TTC24: variants seen among roughly 807,000 people sequenced by gnomAD.
The protein encoded by TTC24 is tetratricopeptide repeat domain 24.
TTC24 carries 54 observed loss-of-function variants against 63.3 expected under a neutral mutation model. That is an observed-to-expected ratio of 0.85 (90% CI 0.69 to 1.07). TTC24 has a LOEUF of 1.07. Ranked by LOEUF, TTC24 falls within the 50% of genes least tolerant of loss-of-function variation. The pLI, the probability that TTC24 is intolerant of heterozygous loss-of-function variation, is 0.00. For synonymous variants in TTC24, 276 were observed against 304.3 expected (o/e 0.91, Z 0.97); for missense variants, 680 against 730.5 (o/e 0.93, Z 0.80).
At chr1:156,585,893 G>A in intron 9 of TTC24, 56 bp from the exon 10 acceptor site, 1 of 1,596,680 alleles carries the variant, frequency 6.3e-7, no homozygotes, top group African/African-American at 1.3e-5. Flanking sequence ...TTTCCACCAT[G>A]ATAGTTCTTG....
At position 156,581,757 on chromosome 1, in the gene TTC24, C is replaced by T. The variant is rs373435186; in HGVS notation, c.393C>T (p.Gly131=). 3.1e-4 allele frequency: 488 copies of T among 1,551,722 alleles called. No individual in the cohort carries two copies. The African/African-American group carries it at 5.2e-3, about 17-fold the overall frequency. Reference sequence around the variant, plus strand: ...TGGCTTTGGCCTACCATGCCCTCGGCGAGCTGCCTCAAGCTTTGGCCTGGT... The same window carrying T: ...TGGCTTTGGCCTACCATGCCCTCGGTGAGCTGCCTCAAGCTTTGGCCTGGT... ...FNVALAYHAL[G]ELPQALAWYH... The change falls in exon 2 of 11, where the codon GGC becomes GGT. Residue 131 remains glycine (G), a synonymous_variant. Transcript: ENST00000368236.
At position 156,582,375 on chromosome 1, in the gene TTC24, A is replaced by G. The variant is rs755413571; in HGVS notation, c.851A>G (p.Asn284Ser). 22 of 1,613,648 alleles carry G rather than the reference A, an allele frequency of 1.4e-5. No individual in the cohort carries two copies. In the South Asian group the frequency reaches 1.8e-4, roughly 13 times the overall value. Residue 284 changes from asparagine (N) to serine (S), a missense_variant, in exon 3 of 11, where the codon AAT becomes AGT. By Grantham distance (46) the Asn-to-Ser change is conservative. Transcript: ENST00000368236. The stretch of plus-strand genomic sequence containing the variant: ...CTAAGAAACCTCGGGATGGCCCACA[A>G]TGCCCTCGGCAACTATCAGGAAGCT... ...TVLRNLGMAH[N>S]ALGNYQEARE...
In TTC24 at chr1:156,581,885, C is replaced by A; in HGVS notation, c.521C>A (p.Ala174Asp). ...GCTCTGGGACAGCCTGAGCTAGCAG[C>A]CCACTGCCTGCAGGAAGCAAGCCAG... ...YQALGQPELA[A>D]HCLQEASQAY... Residue 174 changes from alanine to aspartate, a missense_variant, in exon 2 of 11, where the codon GCC (alanine) becomes GAC (aspartate). Ala to Asp is a moderately radical substitution (Grantham distance 126). Transcript: ENST00000368236. The A allele has an allele frequency of 6.5e-7, 1 of 1,547,642 alleles. No homozygotes were observed. The highest frequency in any genetic ancestry group is 1.2e-5 in the South Asian group (1 of 83,902).
At position 156,581,931 on chromosome 1, in the gene TTC24, G is replaced by A. The variant is rs948406648; in HGVS notation, c.567G>A (p.Gln189=). ...EASQAYAQER[Q]LRAAALALGA... is the part of the protein sequence containing the mutation. ...GCCAGGCCTATGCTCAAGAGAGACA[G>A]CTGCGGGCCGCAGCCCTGGCACTGG... is the stretch of plus-strand genomic sequence containing the variant. Residue 189 remains glutamine (Q), a synonymous_variant, in exon 2 of 11, where the codon CAG becomes CAA. Coordinates refer to ENST00000368236, the MANE Select transcript of TTC24 (RefSeq NM_001105669.4). 1 of 1,543,050 alleles carries A rather than the reference G, an allele frequency of 6.5e-7. No individual in the cohort carries two copies. The highest frequency in any genetic ancestry group is 8.7e-7 in the Non-Finnish European group (1 of 1,144,096).
intron 1 of TTC24, 50 bp from the exon 2 acceptor site, chr1:156,581,311 C>G: frequency 1.4e-6 from 2 of 1,388,244 alleles, no homozygotes; most frequent in Non-Finnish European, 1.9e-6. Flanking sequence ...GTCCTGCTAT[C>G]TAGAGGAAGC....
chr1:156,585,471 T>C, intron 8 of TTC24: 1 of 600,960 alleles, frequency 1.7e-6, no homozygotes. Context: ...CCATTTTCCC[T>C]GAACCCTTCT....
intron 8 of TTC24, 54 bp from the exon 9 acceptor site, chr1:156,585,659 G>A (rs1332600231): frequency 5.5e-6 from 7 of 1,273,654 alleles, no homozygotes; most frequent in Non-Finnish European, 8.0e-6. Context: ...TCAGGGAGCA[G>A]AGTTCTTTGC....
At position 156,583,522 on chromosome 1, in the gene TTC24, C is replaced by G. The variant is rs1677066592; in HGVS notation, c.1152+72C>G. The G allele has an allele frequency of 7.9e-7, 1 of 1,261,864 alleles. No homozygotes were observed. Among genetic ancestry groups the G allele is most frequent in the Non-Finnish European group, 1.1e-6 (1 of 908,308 alleles). The allele number at this position is 1,261,864 out of a possible 1,614,324, so 78.2% of individuals were successfully genotyped here. On this transcript the variant is annotated intron_variant, in intron 5 of 10. Transcript: ENST00000368236. This position sits in a 1 kb window ranked among gnomAD's most constrained non-coding sequence, Gnocchi z 4.0. ...TCTGGCTGACATTCCTGCCTTCACT[C>G]CTTGTCTTCTCCCCATCACTCACTC...
intron 8 of TTC24, 36 bp downstream of exon 8, chr1:156,585,267 C>T (rs1219181811): frequency 6.5e-7 from 1 of 1,535,926 alleles, no homozygotes; most frequent in South Asian, 1.2e-5. Flanking sequence ...CGGTGCCTCT[C>T]CTTACTGCAA....
Position 156,584,980 on chromosome 1 carries a change from G to T in TTC24, c.1349+6G>T, listed in dbSNP as rs757770252. Reference sequence around the variant, plus strand: ...ACAGCAGGTGTCCAGCACAGGTGAGGGTGGGAATGGTGCAGCAGAGATGCA... The same window carrying T: ...ACAGCAGGTGTCCAGCACAGGTGAGTGTGGGAATGGTGCAGCAGAGATGCA... On this transcript the variant is annotated splice_donor_region_variant and intron_variant, in intron 7 of 10. Transcript: ENST00000368236. The T allele has an allele frequency of 6.3e-7, 1 of 1,585,434 alleles. No homozygotes were observed. The highest frequency in any genetic ancestry group is 8.6e-7 in the Non-Finnish European group (1 of 1,165,794).
intron 10 of TTC24, 82 bp from the exon 11 acceptor site, chr1:156,586,387 A>G (rs957177954): frequency 2.4e-6 from 3 of 1,230,236 alleles, no homozygotes; most frequent in Non-Finnish European, 3.5e-6. Context: ...AATAGGGCAG[A>G]GGGAAGCTGA....
Position 156,585,036 on chromosome 1 carries a change from G to A in TTC24, c.1349+62G>A, listed in dbSNP as rs551486129. 3 of 1,531,388 alleles carry A rather than the reference G, an allele frequency of 2.0e-6. No individual in the cohort carries two copies. In the South Asian group the frequency reaches 3.7e-5, roughly 19 times the overall value. The allele number at this position is 1,531,388 out of a possible 1,614,324, so 94.9% of individuals were successfully genotyped here. A position where few individuals can be genotyped will look rare whatever the true frequency, so the allele number is the denominator to read the frequency against. ...CCTCTGCAGGGTGTTGGGGGCTGTCGCAGTGGGGTAGGACCCCATGTGTAT... is the reference window on the plus strand; with the variant it reads ...CCTCTGCAGGGTGTTGGGGGCTGTCACAGTGGGGTAGGACCCCATGTGTAT... On this transcript the variant is annotated intron_variant, in intron 7 of 10. Transcript: ENST00000368236.
At chr1:156,581,316 G>C (rs1409775270) in intron 1 of TTC24, 45 bp from the exon 2 acceptor site, 1 of 1,414,080 alleles carries the variant, frequency 7.1e-7, no homozygotes, top group Non-Finnish European at 9.4e-7. Flanking sequence ...GCTATCTAGA[G>C]GAAGCCAAGG....
At chr1:156,584,020 GCCTTGAGCCTGCGCATGAGATAT>G (rs1677081987) in intron 6 of TTC24, 125 bp downstream of exon 6, 1 of 774,198 alleles carries the variant, frequency 1.3e-6, no homozygotes, top group Non-Finnish European at 2.2e-6. Flanking sequence ...GTGTTCATCC[GCCTTGAGCCTGCGCATGAGATAT>G]ATCACTTTCC....
Position 156,582,235 on chromosome 1 carries a change from C to A in TTC24, c.711C>A (p.His237Gln), listed in dbSNP as rs1294589701. The change falls in exon 3 of 11, where the codon CAC (histidine) becomes CAA (glutamine). Residue 237 changes from histidine (H) to glutamine (Q), a missense_variant. Physicochemically the swap from His to Gln is conservative, Grantham distance 24. Transcript: ENST00000368236. ...GACCCTGGCTATTCCCTCTAGGGCA[C>A]CTCTATAACGATCTAGGCCTGGGCT... ...ERSTERRLLG[H>Q]LYNDLGLGYS... 1 of 1,551,192 alleles carries A rather than the reference C, an allele frequency of 6.4e-7. No homozygotes were observed. The highest frequency in any genetic ancestry group is 2.0e-5 in the Admixed American group (1 of 50,974).
At chr1:156,580,689 G>A (rs1676966671) in intron 1 of TTC24, among the ~76,000 whole-genome samples, 1 of 152,114 alleles carries the variant, frequency 6.6e-6, no homozygotes. Context: ...TGTTGGCCAG[G>A]CTGGTCTCTA....
rs747634083 is a variant in TTC24 at position 156,585,192 on chromosome 1, G to A, written c.1417G>A (p.Ala473Thr). The A allele has an allele frequency of 9.3e-6, 15 of 1,613,236 alleles. No homozygotes were observed. The highest frequency in any genetic ancestry group is 7.6e-6 in the Non-Finnish European group (9 of 1,179,658). ...CCAGAAGAAAAAAGAGGAGAGGTCG[G>A]CAAACGTTCCGGTGAGGGCTGGGCC... ...GHQKKKEERS[A>T]NVPVRAGPGR... The change falls in exon 8 of 11, where the codon GCA becomes ACA. Residue 473 changes from alanine to threonine, a missense_variant. Coordinates refer to ENST00000368236, the MANE Select transcript of TTC24 (RefSeq NM_001105669.4).
At chr1:156,585,582 C>T in intron 8 of TTC24, 131 bp from the exon 9 acceptor site, 1 of 703,338 alleles carries the variant, frequency 1.4e-6, no homozygotes, top group African/African-American at 1.7e-5. Flanking sequence ...GTGCCCAACA[C>T]AGCGCTGGGT....
intron 8 of TTC24, 30 bp from the exon 9 acceptor site, chr1:156,585,683 G>A (rs774773139): frequency 1.3e-6 from 2 of 1,512,610 alleles, no homozygotes; most frequent in Non-Finnish European, 1.8e-6. Context: ...TTGTTGAGCT[G>A]ACCTGAATTT....
Sources: gnomAD v4.1 joint callset for allele counts (sites outside exome capture counted in the v4.1 genomes callset) on GRCh38, gnomAD v4.1.1 for gene constraint, Gnocchi (gnomAD v3.1) non-coding constraint, MANE v1.5 for transcripts, NCBI Gene and HGNC (gene_info 2026-07-23, HGNC 2026-07-21) for gene names.